The following APAF1 variants were observed in gnomAD, a reference collection of about 807,000 sequenced individuals.
The protein encoded by APAF1 is apoptotic peptidase activating factor 1, also known as apoptotic protease-activating factor 1.
APAF1 carries 91 observed loss-of-function variants against 152.4 expected under a neutral mutation model. That is an observed-to-expected ratio of 0.60 (90% CI 0.50 to 0.71). APAF1 has a LOEUF of 0.71. Ranked by LOEUF, APAF1 falls within the 30% of genes least tolerant of loss-of-function variation. The probability of loss-of-function intolerance (pLI) is 0.00; values close to 1 mark genes in which losing one functional copy is unlikely to be tolerated. For missense variants in APAF1, 1,283 were observed against 1,472.0 expected, an observed-to-expected ratio of 0.87 and a Z score of 2.10; for synonymous variants, 484 against 494.1, an observed-to-expected ratio of 0.98 and a Z score of 0.27.
intron 4 of APAF1, among the ~76,000 whole-genome samples, chr12:98,650,945 C>G (rs1252370532): frequency 6.6e-6 from 1 of 152,154 alleles, no homozygotes; most frequent in Non-Finnish European, 1.5e-5. Flanking sequence ...AACACTCCCT[C>G]TCCCCATTTA....
chr12:98,681,834 T>A (rs1383234335), intron 14 of APAF1, among the ~76,000 whole-genome samples: 4 of 152,150 alleles, frequency 2.6e-5, no homozygotes, highest in Admixed American at 2.0e-4. Context: ...GAAATACCTA[T>A]TAAAGAACTT....
intron 13 of APAF1, among the ~76,000 whole-genome samples, chr12:98,679,135 C>T (rs968919359): frequency 2.6e-5 from 4 of 152,172 alleles, no homozygotes; most frequent in African/African-American, 9.7e-5. Context: ...TGCCCATGGA[C>T]CAGTTGGCAT....
chr12:98,665,005 G>T (rs933509905), intron 7 of APAF1, among the ~76,000 whole-genome samples: 18 of 151,854 alleles, frequency 1.2e-4, no homozygotes, highest in Non-Finnish European at 2.4e-4. Flanking sequence ...TAAGTGTGCT[G>T]TGATGAATAT....
intron 16 of APAF1, among the ~76,000 whole-genome samples, chr12:98,688,102 G>A (rs900780526): frequency 2.0e-5 from 3 of 152,114 alleles, no homozygotes; most frequent in African/African-American, 7.2e-5. Flanking sequence ...AAGCCACAAG[G>A]TAGGAAAAAT....
In APAF1 at chr12:98,671,103, G is replaced by T. The variant is rs767988499; in HGVS notation, c.1608+17G>T. ...GATGAAAAGGTATATATATTAACAT[G>T]AAAAATTAGTGCTAAAAAGGAATCT... is the stretch of plus-strand genomic sequence containing the variant. On this transcript the variant is annotated intron_variant, in intron 11 of 26. Transcript: ENST00000551964. 2 of 1,428,952 alleles carry T rather than the reference G, an allele frequency of 1.4e-6. No homozygotes were observed. The allele number at this position is 1,428,952 out of a possible 1,614,324, so 88.5% of individuals were successfully genotyped here.
chr12:98,666,791 A>G (rs1381021544), intron 9 of APAF1, among the ~76,000 whole-genome samples: 2 of 152,118 alleles, frequency 1.3e-5, no homozygotes, highest in Non-Finnish European at 2.9e-5. Context: ...ATATTTGGCA[A>G]GAATACCAAT....
chr12:98,724,823 G>A (rs1353234557), intron 24 of APAF1, among the ~76,000 whole-genome samples: 8 of 152,106 alleles, frequency 5.3e-5, no homozygotes, highest in African/African-American at 1.4e-4. Flanking sequence ...AGCTCACAGC[G>A]CTTGGAACTT....
Position 98,680,744 on chromosome 12 carries a change from A to C in APAF1, c.2046+342A>C, listed in dbSNP as rs2097691375. On this transcript the variant is annotated intron_variant, in intron 14 of 26. Coordinates refer to ENST00000551964, the MANE Select transcript of APAF1 (RefSeq NM_181861.2). Reference sequence around the variant, plus strand: ...AAATTCTTTATTTTTAAACACCAGCAAAAATGCCTAGGTTGATCACCTCAG... The same window carrying C: ...AAATTCTTTATTTTTAAACACCAGCCAAAATGCCTAGGTTGATCACCTCAG... 2.0e-5 allele frequency among the ~76,000 whole-genome samples: 3 copies of C among 152,122 alleles called. No homozygotes were observed. In the South Asian group the frequency reaches 6.2e-4, roughly 31 times the overall value.
chr12:98,718,281 G>A (rs1018726190), intron 22 of APAF1, among the ~76,000 whole-genome samples: 3 of 151,700 alleles, frequency 2.0e-5, no homozygotes, highest in Non-Finnish European at 4.4e-5. Flanking sequence ...TGCCTAGGCC[G>A]GAGTGCAGTG....
chr12:98,718,269 A>G (rs142807564), intron 22 of APAF1, among the ~76,000 whole-genome samples: 234 of 151,056 alleles, frequency 1.5e-3, no homozygotes, highest in African/African-American at 5.1e-3. Flanking sequence ...GTCTTGCTCT[A>G]TTGCCTAGGC....
At chr12:98,709,126 G>T (rs2097724994) in intron 20 of APAF1, among the ~76,000 whole-genome samples, 1 of 152,204 alleles carries the variant, frequency 6.6e-6, no homozygotes, top group South Asian at 2.1e-4. Context: ...GAGTCTGATT[G>T]ATTGGAACTG....
intron 24 of APAF1, among the ~76,000 whole-genome samples, chr12:98,724,078 T>A (rs1288521786): frequency 6.6e-6 from 1 of 152,232 alleles, no homozygotes; most frequent in Non-Finnish European, 1.5e-5. Flanking sequence ...CAATACAATT[T>A]TAATATAATT....
At chr12:98,692,639 T>C (rs1392938612) in intron 16 of APAF1, among the ~76,000 whole-genome samples, 1 of 152,188 alleles carries the variant, frequency 6.6e-6, no homozygotes, top group African/African-American at 2.4e-5. Context: ...AGTGAGAACT[T>C]GTGGTATTTG....
intron 5 of APAF1, among the ~76,000 whole-genome samples, chr12:98,659,777 G>GAGAA (rs200221100): frequency 2.8e-5 from 4 of 141,326 alleles, no homozygotes; most frequent in Non-Finnish European, 6.2e-5. Context: ...AAAAAAGAGA[G>GAGAA]AGAAAGAAAG....
At chr12:98,650,581 A>T (rs1176968928) in intron 4 of APAF1, among the ~76,000 whole-genome samples, 1 of 152,140 alleles carries the variant, frequency 6.6e-6, no homozygotes, top group Non-Finnish European at 1.5e-5. Flanking sequence ...ATAAGTAGTA[A>T]GCCTCTAAGA....
rs745381849 is a variant in APAF1 at position 98,732,382 on chromosome 12, T to C, written c.3601-38T>C. 5 of 1,592,260 alleles carry C rather than the reference T, an allele frequency of 3.1e-6. No individual in the cohort carries two copies. In the South Asian group the frequency reaches 5.5e-5, roughly 18 times the overall value. ...CACTATAAATTGTCACACAGTGTAA[T>C]TACCAATCTAATGAGAATTTTATTT... is the stretch of plus-strand genomic sequence containing the variant. On this transcript the variant is annotated intron_variant, in intron 26 of 26. Coordinates refer to ENST00000551964, the MANE Select transcript of APAF1 (RefSeq NM_181861.2).
At chr12:98,702,448 A>G (rs1348583197) in intron 17 of APAF1, among the ~76,000 whole-genome samples, 1 of 152,180 alleles carries the variant, frequency 6.6e-6, no homozygotes, top group African/African-American at 2.4e-5. Context: ...AGTATATTGT[A>G]TCAATACATG....
At chr12:98,650,328 C>CA (rs1026036548) in intron 4 of APAF1, among the ~76,000 whole-genome samples, 5 of 151,398 alleles carry the variant, frequency 3.3e-5, no homozygotes, top group African/African-American at 7.3e-5. Flanking sequence ...ACCAAAAATA[C>CA]AAAAAAAATC....
intron 20 of APAF1, among the ~76,000 whole-genome samples, chr12:98,711,618 C>T (rs1274582261): frequency 1.3e-5 from 2 of 152,134 alleles, no homozygotes; most frequent in Non-Finnish European, 2.9e-5. Flanking sequence ...TAGTTTATGA[C>T]ACTAAGAGAG....
Sources: gnomAD v4.1 joint callset for allele counts (sites outside exome capture counted in the v4.1 genomes callset) on GRCh38, gnomAD v4.1.1 for gene constraint, MANE v1.5 for transcripts, NCBI Gene and HGNC (gene_info 2026-07-23, HGNC 2026-07-21) for gene names.